MAGI3: variants seen among roughly 807,000 people sequenced by gnomAD.
The protein encoded by MAGI3 is membrane associated guanylate kinase, WW and PDZ domain containing 3.
Under a neutral mutation model 121.8 loss-of-function variants are expected in MAGI3, and 43 were observed. The observed-to-expected ratio is 0.35, with a 90% CI of 0.28 to 0.46. The LOEUF (loss-of-function observed/expected upper bound fraction) is 0.46, where lower values mean the gene tolerates loss of function less well. MAGI3 is among the 20% of genes least tolerant of loss of function. MAGI3 has a pLI of 1.00. For synonymous variants in MAGI3, 553 were observed against 639.3 expected, an observed-to-expected ratio of 0.86 and a Z score of 2.04; for missense variants, 1,547 against 1,797.3, an observed-to-expected ratio of 0.86 and a Z score of 2.52.
intron 15 of MAGI3, among the ~76,000 whole-genome samples, chr1:113,657,147 G>A (rs1320288127): frequency 6.6e-6 from 1 of 152,220 alleles, no homozygotes; most frequent in African/African-American, 2.4e-5. Context: ...GGCCAAAGAT[G>A]AATGAAGATG....
At chr1:113,429,889 C>T (rs1318716184) in intron 1 of MAGI3, among the ~76,000 whole-genome samples, 1 of 152,044 alleles carries the variant, frequency 6.6e-6, no homozygotes, top group Non-Finnish European at 1.5e-5. Context: ...GCCTCCAGAC[C>T]CTATTCTCCT....
At chr1:113,518,513 T>G (rs76886509) in intron 1 of MAGI3, among the ~76,000 whole-genome samples, 2 of 152,248 alleles carry the variant, frequency 1.3e-5, no homozygotes, top group Non-Finnish European at 2.9e-5. Flanking sequence ...ATAATTTTAG[T>G]ATCTTTAATG....
intron 1 of MAGI3, among the ~76,000 whole-genome samples, chr1:113,451,074 G>A (rs1445201775): frequency 6.6e-6 from 1 of 152,038 alleles, no homozygotes; most frequent in Non-Finnish European, 1.5e-5. Context: ...GTAAATTGTG[G>A]TAGTGGTACC....
rs753171531 is a variant in MAGI3 at position 113,422,459 on chromosome 1, C to T, written c.316+31110C>T. Reference sequence around the variant, plus strand: ...CTGCGTTTGGCTCATGATGCCTGCCCGGATCCCATACCTGCCAAGGGTGAG... The same window carrying T: ...CTGCGTTTGGCTCATGATGCCTGCCTGGATCCCATACCTGCCAAGGGTGAG... On this transcript the variant is annotated intron_variant, in intron 1 of 20. Transcript: ENST00000307546. This position sits in a 1 kb window ranked among gnomAD's most constrained non-coding sequence, Gnocchi z 4.3. 1.3e-5 allele frequency among the ~76,000 whole-genome samples: 2 copies of T among 152,330 alleles called. No individual in the cohort carries two copies. Among genetic ancestry groups the T allele is most frequent in the African/African-American group, 2.4e-5 (1 of 41,570 alleles).
chr1:113,568,117 G>A lies in MAGI3; in HGVS notation c.434-12425G>A, dbSNP rs373970809. Among the ~76,000 whole-genome samples the A allele has an allele frequency of 4.6e-5, 7 of 152,140 alleles. No individual in the cohort carries two copies. The East Asian group carries it at 7.7e-4, about 17-fold the overall frequency. ...ACTGCCCAGAGTGGAGGACTACAAA[G>A]AGGCCCAAGGAAACTTTGGGGGATA... On this transcript the variant is annotated intron_variant, in intron 2 of 20. Transcript: ENST00000307546.
intron 1 of MAGI3, among the ~76,000 whole-genome samples, chr1:113,526,970 T>C (rs1322518349): frequency 6.6e-6 from 1 of 152,206 alleles, no homozygotes; most frequent in Admixed American, 6.5e-5. Context: ...CTATGCCTCA[T>C]TCTCCCCATC....
Position 113,684,810 on chromosome 1 carries a change from A to AGT in MAGI3, c.*797_*798dup, listed in dbSNP as rs1553218983. 1 of 152,328 alleles carries AGT rather than the reference A, an allele frequency of 6.6e-6. No individual in the cohort carries two copies. Among genetic ancestry groups the AGT allele is most frequent in the African/African-American group, 2.4e-5 (1 of 41,438 alleles). The allele number at this position is 152,328 out of a possible 1,614,324, so 9.4% of individuals were successfully genotyped here. ...CATCTCAGGTCACCCTTTTTATTTCAGTTATTTAATTATGAAACCATAAAG... is the reference window on the plus strand; with the variant it reads ...CATCTCAGGTCACCCTTTTTATTTCAGTGTTATTTAATTATGAAACCATAAAG... On this transcript the variant is annotated 3_prime_UTR_variant, in exon 21 of 21. Coordinates refer to ENST00000307546, the MANE Select transcript of MAGI3 (RefSeq NM_001142782.2).
intron 2 of MAGI3, 52 bp downstream of exon 2, chr1:113,549,683 T>G: frequency 1.0e-6 from 1 of 960,888 alleles, no homozygotes; most frequent in Non-Finnish European, 1.6e-6. Context: ...CTTTCTTAAC[T>G]AATTAAACAT....
chr1:113,642,233 G>A lies in MAGI3; in HGVS notation c.1683G>A (p.Glu561=). ...DGLNGPSDAS[E]QRVSMASSGS... ...TCAATGGACCATCAGATGCAAGTGAGCAGAGAGTATCCATGGCATCGTCAG... is the reference window on the plus strand; with the variant it reads ...TCAATGGACCATCAGATGCAAGTGAACAGAGAGTATCCATGGCATCGTCAG... Residue 561 remains glutamate (E), a synonymous_variant, in exon 10 of 21, where the codon GAG becomes GAA. Coordinates refer to ENST00000307546, the MANE Select transcript of MAGI3 (RefSeq NM_001142782.2). 6.2e-7 allele frequency: 1 copy of A among 1,614,142 alleles called. No individual in the cohort carries two copies. The highest frequency in any genetic ancestry group is 8.5e-7 in the Non-Finnish European group (1 of 1,180,020).
intron 6 of MAGI3, 53 bp downstream of exon 6, chr1:113,594,613 C>T: frequency 6.8e-7 from 1 of 1,460,828 alleles, no homozygotes. Flanking sequence ...TCCTTTCTTG[C>T]TCTTCTTGCT....
intron 18 of MAGI3, 121 bp from the exon 19 acceptor site, chr1:113,673,201 C>T: frequency 8.4e-7 from 1 of 1,191,000 alleles, no homozygotes; most frequent in Admixed American, 2.7e-5. Flanking sequence ...TCCTTCTTTA[C>T]AATATAGAAA....
intron 1 of MAGI3, among the ~76,000 whole-genome samples, chr1:113,452,072 C>A (rs898668024): frequency 6.6e-6 from 1 of 152,124 alleles, no homozygotes; most frequent in African/African-American, 2.4e-5. Context: ...TAATAAAGAA[C>A]AAGAGATCAC....
At chr1:113,544,395 A>G (rs1452525524) in intron 1 of MAGI3, among the ~76,000 whole-genome samples, 2 of 152,264 alleles carry the variant, frequency 1.3e-5, no homozygotes, top group Non-Finnish European at 2.9e-5. Flanking sequence ...TGTAAAGAAG[A>G]GAACTGAAAC....
chr1:113,409,382 C>T (rs922388276), intron 1 of MAGI3, among the ~76,000 whole-genome samples: 6 of 151,958 alleles, frequency 3.9e-5, no homozygotes, highest in Admixed American at 3.3e-4. Context: ...TGGTGGTTCA[C>T]ACCTTTAATC....
At chr1:113,405,116 C>T (rs1387052191) in intron 1 of MAGI3, among the ~76,000 whole-genome samples, 1 of 152,002 alleles carries the variant, frequency 6.6e-6, no homozygotes, top group Admixed American at 6.6e-5. Flanking sequence ...ATGAGAATTT[C>T]CAGAGCAGGG....
Position 113,633,024 on chromosome 1 carries a change from G to A in MAGI3, c.1361-8887G>A, listed in dbSNP as rs552695861. 1.4e-4 allele frequency among the ~76,000 whole-genome samples: 20 copies of A among 147,914 alleles called. No homozygotes were observed. In the South Asian group the frequency reaches 3.9e-3, roughly 29 times the overall value. ...CCCATTAACTCGTCATTTAGCATTA[G>A]GTATATCTCCTAATGCTATCCCTCC... is the stretch of plus-strand genomic sequence containing the variant. On this transcript the variant is annotated intron_variant, in intron 9 of 20. Transcript: ENST00000307546.
At chr1:113,443,989 A>G (rs758219609) in intron 1 of MAGI3, among the ~76,000 whole-genome samples, 1 of 152,248 alleles carries the variant, frequency 6.6e-6, no homozygotes, top group Non-Finnish European at 1.5e-5. Context: ...CACCTAGACA[A>G]CAACTGCACT....
At chr1:113,585,646 C>A in intron 4 of MAGI3, 50 bp downstream of exon 4, 1 of 1,491,234 alleles carries the variant, frequency 6.7e-7, no homozygotes, top group South Asian at 1.2e-5. Flanking sequence ...ATTGATTTTA[C>A]TATTACGTTG....
chr1:113,589,191 C>T (rs1436103264), intron 4 of MAGI3, among the ~76,000 whole-genome samples: 1 of 151,782 alleles, frequency 6.6e-6, no homozygotes, highest in Non-Finnish European at 1.5e-5. Flanking sequence ...TGAAATAAGA[C>T]ACAAGGTCAT....
Sources: gnomAD v4.1 joint callset for allele counts (sites outside exome capture counted in the v4.1 genomes callset) on GRCh38, gnomAD v4.1.1 for gene constraint, Gnocchi (gnomAD v3.1) non-coding constraint, MANE v1.5 for transcripts, NCBI Gene and HGNC (gene_info 2026-07-23, HGNC 2026-07-21) for gene names.